EFHC2: variants seen among roughly 807,000 people sequenced by gnomAD.
The protein encoded by EFHC2 is EF-hand domain containing 2.
EFHC2 carries 18 observed loss-of-function variants against 52.7 expected under a neutral mutation model. That is an observed-to-expected ratio of 0.34 (90% CI 0.24 to 0.51). EFHC2 has a LOEUF of 0.51. EFHC2 is among the 20% of genes least tolerant of loss of function. The probability of loss-of-function intolerance (pLI) is 0.97; values close to 1 mark genes in which losing one functional copy is unlikely to be tolerated. For missense variants in EFHC2, 513 were observed against 562.5 expected, an observed-to-expected ratio of 0.91 and a Z score of 0.89; for synonymous variants, 203 against 204.1, an observed-to-expected ratio of 0.99 and a Z score of 0.04.
chrX:44,224,910 GTGCTGC>G (rs56365737), intron 11 of EFHC2, among the ~76,000 whole-genome samples: 7 of 109,389 alleles, frequency 6.4e-5, no homozygotes, highest in African/African-American at 1.3e-4. Context: ...TGGGCTCTCA[GTGCTGC>G]TGCTGCTGCT....
intron 13 of EFHC2, among the ~76,000 whole-genome samples, chrX:44,165,051 C>T (rs2036685878): frequency 9.0e-6 from 1 of 111,403 alleles, no homozygotes; most frequent in African/African-American, 3.3e-5. Context: ...GTTTTTAAGG[C>T]TAATTATCAT....
chrX:44,231,340 G>T (rs762045423), intron 10 of EFHC2, among the ~76,000 whole-genome samples: 119 of 112,044 alleles, frequency 1.1e-3, no homozygotes, highest in African/African-American at 3.7e-3. Flanking sequence ...AGAACCAGGT[G>T]ATTCCTGCCT....
chrX:44,293,694 A>G (rs2037808675), intron 2 of EFHC2, among the ~76,000 whole-genome samples: 1 of 111,435 alleles, frequency 9.0e-6, no homozygotes, highest in African/African-American at 3.3e-5. Context: ...TCACTTTTGT[A>G]TAGAACTTCA....
At chrX:44,312,880 G>A (rs1288263606) in intron 1 of EFHC2, 124 bp from the exon 2 acceptor site, 7 of 610,999 alleles carry the variant, frequency 1.1e-5, no homozygotes, top group East Asian at 7.7e-5. Flanking sequence ...CAAATAAAGT[G>A]GCAAATAATT....
chrX:44,236,480 G>A (rs898361224), intron 8 of EFHC2, among the ~76,000 whole-genome samples: 1 of 112,231 alleles, frequency 8.9e-6, no homozygotes, highest in East Asian at 2.8e-4. Flanking sequence ...TCCCTTGCAG[G>A]GTCTCCTATA....
intron 3 of EFHC2, among the ~76,000 whole-genome samples, chrX:44,267,703 C>T (rs1265228355): frequency 1.8e-5 from 2 of 111,039 alleles, no homozygotes; most frequent in African/African-American, 3.3e-5. Context: ...TAATCTTGAC[C>T]ATTTGCCTCT....
intron 11 of EFHC2, among the ~76,000 whole-genome samples, chrX:44,180,625 G>T (rs966319087): frequency 1.8e-5 from 2 of 110,159 alleles, no homozygotes; most frequent in Non-Finnish European, 3.8e-5. Context: ...TGTAATCCCA[G>T]GTACTCAGGA....
At chrX:44,261,390 G>T in intron 3 of EFHC2, 92 bp from the exon 4 acceptor site, 1 of 796,097 alleles carries the variant, frequency 1.3e-6, no homozygotes, top group Non-Finnish European at 1.7e-6. Flanking sequence ...ATACTTTCCC[G>T]CAACAGAAAA....
At chrX:44,325,345 C>G (rs1328383986) in intron 1 of EFHC2, among the ~76,000 whole-genome samples, 1 of 110,639 alleles carries the variant, frequency 9.0e-6, no homozygotes, top group Admixed American at 9.8e-5. Flanking sequence ...AGGAAATTAG[C>G]AAATGTCTTA....
chrX:44,304,899 C>G (rs1301545160), intron 2 of EFHC2, among the ~76,000 whole-genome samples: 1 of 109,475 alleles, frequency 9.1e-6, no homozygotes, highest in Non-Finnish European at 1.9e-5. Flanking sequence ...ACACTTGGCC[C>G]CTGGATACTC....
rs750561274 is a variant in EFHC2, at chrX:44,184,213, C to T, written c.1752-5649G>A. Among the ~76,000 whole-genome samples the T allele has an allele frequency of 3.6e-5, 4 of 111,568 alleles. No individual in the cohort carries two copies. In the South Asian group the frequency reaches 1.5e-3, roughly 43 times the overall value. On this transcript the variant is annotated intron_variant, in intron 11 of 14. Coordinates refer to ENST00000420999, the MANE Select transcript of EFHC2 (RefSeq NM_025184.4). ...TCCTCTGCTGTCGCTAGGAATTCAT[C>T]CTCTACAACCCTTCCCATCTTTCCC...
chrX:44,276,999 G>A (rs1200592452), intron 2 of EFHC2, among the ~76,000 whole-genome samples: 6 of 111,488 alleles, frequency 5.4e-5, no homozygotes, highest in Non-Finnish European at 1.1e-4. Flanking sequence ...GGTGACTCAC[G>A]CCTATAATCC....
At chrX:44,151,402 G>A (rs2036569440) in intron 14 of EFHC2, among the ~76,000 whole-genome samples, 2 of 111,828 alleles carry the variant, frequency 1.8e-5, no homozygotes, top group South Asian at 7.5e-4. Flanking sequence ...CAGAAGGCCA[G>A]AAGTCCAAAA....
chrX:44,150,751 A>T lies in EFHC2; in HGVS notation c.2149-1855T>A, dbSNP rs189818704. On this transcript the variant is annotated intron_variant, in intron 14 of 14. Coordinates refer to ENST00000420999, the MANE Select transcript of EFHC2 (RefSeq NM_025184.4). ...ACATGAAATAGCTAGAAGGGGATCA[A>T]CTTGAAATGGTGACAAAAGAAAGGT... Among the ~76,000 whole-genome samples the T allele has an allele frequency of 1.3e-3, 145 of 111,698 alleles. 4 individuals carry two copies. Among genetic ancestry groups the T allele is most frequent in the Admixed American group, 0.012 (130 of 10,503 alleles).
chrX:44,331,217 T>C (rs1440146390), intron 1 of EFHC2, among the ~76,000 whole-genome samples: 2 of 112,354 alleles, frequency 1.8e-5, no homozygotes, highest in Non-Finnish European at 3.8e-5. Flanking sequence ...ACAGTTGATA[T>C]ACGCAACCAC....
At chrX:44,309,834 C>T in intron 2 of EFHC2, 1 of 1,168,301 alleles carries the variant, frequency 8.6e-7, no homozygotes, top group Non-Finnish European at 1.2e-6. Context: ...CCTCTTTGTC[C>T]CCAATCCAGC....
intron 1 of EFHC2, among the ~76,000 whole-genome samples, chrX:44,338,379 T>C (rs1003351397): frequency 1.8e-5 from 2 of 110,206 alleles, no homozygotes; most frequent in African/African-American, 6.6e-5. Flanking sequence ...TGCATGTCTG[T>C]AGTCCTAGCT....
At chrX:44,300,458 G>A (rs1361260155) in intron 2 of EFHC2, among the ~76,000 whole-genome samples, 1 of 111,428 alleles carries the variant, frequency 9.0e-6, no homozygotes, top group Admixed American at 9.6e-5. Context: ...CCAGTCTGTA[G>A]TATTTTGTTA....
chrX:44,196,005 T>C (rs892615588), intron 11 of EFHC2, among the ~76,000 whole-genome samples: 1 of 111,679 alleles, frequency 9.0e-6, no homozygotes, highest in African/African-American at 3.3e-5. Flanking sequence ...AGCCTCGACC[T>C]CCCCAGGTTC....
Sources: allele counts gnomAD v4.1 joint callset (sites outside exome capture counted in the v4.1 genomes callset), GRCh38; gene constraint gnomAD v4.1.1; transcripts MANE v1.5; gene names NCBI Gene and HGNC (gene_info 2026-07-23, HGNC 2026-07-21).